TRAPPC12: variants seen among roughly 807,000 people sequenced by gnomAD.
TRAPPC12 encodes the protein TPR repeat protein 15.
Under a neutral mutation model 69.2 loss-of-function variants are expected in TRAPPC12, and 61 were observed. The ratio of observed to expected loss-of-function variants is 0.88; its 90% CI spans 0.72 to 1.09. TRAPPC12 has a LOEUF of 1.09. Among genes scored for constraint, TRAPPC12 ranks in the 50% least tolerant of loss-of-function variants. TRAPPC12 has a pLI of 0.00. For synonymous variants in TRAPPC12, 469 were observed against 438.9 expected, an observed-to-expected ratio of 1.07 and a Z score of -0.86; for missense variants, 1,101 against 1,016.4, an observed-to-expected ratio of 1.08 and a Z score of -1.13.
At chr2:3,457,764 G>A (rs1027540834) in intron 7 of TRAPPC12, 71 bp downstream of exon 7, 29 of 1,578,764 alleles carry the variant, frequency 1.8e-5, no homozygotes, top group South Asian at 2.3e-5. Flanking sequence ...AAAGCCTCTC[G>A]CTTCCTCTCC....
chr2:3,432,649 T>G (rs774408651), intron 5 of TRAPPC12, among the ~76,000 whole-genome samples: 1 of 152,272 alleles, frequency 6.6e-6, no homozygotes, highest in African/African-American at 2.4e-5. Flanking sequence ...ATGTGATCGC[T>G]GCTTTATTTG....
At chr2:3,472,862 G>C (rs1453656389) in intron 9 of TRAPPC12, among the ~76,000 whole-genome samples, 3 of 152,186 alleles carry the variant, frequency 2.0e-5, no homozygotes, top group Non-Finnish European at 4.4e-5. Flanking sequence ...CAGGGACCAG[G>C]GTCAGGGTCA....
chr2:3,477,859 A>C, intron 10 of TRAPPC12, 64 bp downstream of exon 10: 1 of 1,181,074 alleles, frequency 8.5e-7, no homozygotes, highest in Non-Finnish European at 1.2e-6. Flanking sequence ...AGCCCCACTT[A>C]CTGAGTTGGA....
At chr2:3,449,343 G>C (rs1429030210) in intron 6 of TRAPPC12, 1 of 152,442 alleles carries the variant, frequency 6.6e-6, no homozygotes, top group Non-Finnish European at 1.5e-5. Flanking sequence ...GCATCTGCCC[G>C]CCCAGTCTTG....
chr2:3,461,501 T>G (rs1441478131), intron 8 of TRAPPC12, among the ~76,000 whole-genome samples: 5 of 152,202 alleles, frequency 3.3e-5, no homozygotes, highest in East Asian at 1.9e-4. Context: ...AGCCTCAGCC[T>G]CCTCCTTAAA....
At position 3,388,565 on chromosome 2, in the gene TRAPPC12, G is replaced by C; in HGVS notation, c.942G>C (p.Glu314Asp). 6.2e-7 allele frequency: 1 copy of C among 1,612,738 alleles called. No individual in the cohort carries two copies. The highest frequency in any genetic ancestry group is 8.5e-7 in the Non-Finnish European group (1 of 1,179,660). The change falls in exon 2 of 12, where the codon GAG (glutamate) becomes GAC (aspartate). Residue 314 changes from glutamate (E) to aspartate (D), a missense_variant. Physicochemically the swap from Glu to Asp is conservative, Grantham distance 45. Coordinates refer to ENST00000324266, the MANE Select transcript of TRAPPC12 (RefSeq NM_016030.6). ...GGAACGACGCCTGGCTTCCCGGCGAGGCTACGCGTGGAGTCCTGCGGGCCG... is the reference window on the plus strand; with the variant it reads ...GGAACGACGCCTGGCTTCCCGGCGACGCTACGCGTGGAGTCCTGCGGGCCG... ...DRRNDAWLPGEATRGVLRAVA... is the reference protein window; with the variant it reads ...DRRNDAWLPGDATRGVLRAVA...
chr2:3,383,716 G>C (rs1660340630), intron 1 of TRAPPC12, among the ~76,000 whole-genome samples: 1 of 151,796 alleles, frequency 6.6e-6, no homozygotes, highest in Non-Finnish European at 1.5e-5. Flanking sequence ...TCACAGTTAA[G>C]TTTTTAACGT....
intron 2 of TRAPPC12, among the ~76,000 whole-genome samples, chr2:3,390,816 G>A (rs1029023925): frequency 4.6e-5 from 7 of 152,162 alleles, no homozygotes; most frequent in Non-Finnish European, 8.8e-5. Flanking sequence ...TGATCATGGG[G>A]AAGACTGTGT....
At chr2:3,432,988 G>A (rs1329824410) in intron 5 of TRAPPC12, among the ~76,000 whole-genome samples, 1 of 152,202 alleles carries the variant, frequency 6.6e-6, no homozygotes, top group African/African-American at 2.4e-5. Context: ...ATTTAAATAA[G>A]AAATATTTAA....
chr2:3,395,103 G>A (rs929067698), intron 2 of TRAPPC12, among the ~76,000 whole-genome samples: 1 of 152,204 alleles, frequency 6.6e-6, no homozygotes, highest in Non-Finnish European at 1.5e-5. Flanking sequence ...AAATAGAACA[G>A]TTTCCAAAGT....
rs565817055 is a variant in TRAPPC12 at position 3,381,752 on chromosome 2, C to T, written c.-5+1876C>T. ...ATAAGATGGGGACCATTTCCCAGTG[C>T]GTTGAAACTTCCGTGTGTCCCTCCC... On this transcript the variant is annotated intron_variant, in intron 1 of 11. Coordinates refer to ENST00000324266, the MANE Select transcript of TRAPPC12 (RefSeq NM_016030.6). 6.6e-5 allele frequency among the ~76,000 whole-genome samples: 10 copies of T among 152,324 alleles called. No homozygotes were observed. The East Asian group carries it at 7.7e-4, about 12-fold the overall frequency.
intron 6 of TRAPPC12, among the ~76,000 whole-genome samples, chr2:3,452,734 G>T (rs958261123): frequency 3.3e-5 from 5 of 152,204 alleles, no homozygotes; most frequent in African/African-American, 1.2e-4. Flanking sequence ...TTAATAGTCA[G>T]TGCAGCATTA....
intron 1 of TRAPPC12, among the ~76,000 whole-genome samples, 161 bp from the exon 2 acceptor site, chr2:3,387,459 G>C (rs966024290): frequency 6.6e-6 from 1 of 152,218 alleles, no homozygotes; most frequent in African/African-American, 2.4e-5. Context: ...CTGAACTTAA[G>C]GTGGTCAATT....
At position 3,387,656 on chromosome 2, in the gene TRAPPC12, G is replaced by C; in HGVS notation, c.33G>C (p.Pro11=). The change falls in exon 2 of 12, where the codon CCG becomes CCC. Residue 11 remains proline (P), a synonymous_variant. Transcript: ENST00000324266. MEDAGGGEET[P]APEAPHPPQL... The stretch of plus-strand genomic sequence containing the variant: ...ACGCTGGCGGCGGCGAGGAGACCCC[G>C]GCCCCGGAGGCCCCGCACCCCCCTC... The C allele has an allele frequency of 6.5e-7, 1 of 1,547,576 alleles. No individual in the cohort carries two copies. The highest frequency in any genetic ancestry group is 8.7e-7 in the Non-Finnish European group (1 of 1,144,476).
intron 10 of TRAPPC12, 161 bp from the exon 11 acceptor site, chr2:3,478,685 T>C (rs1467628038): frequency 6.6e-6 from 4 of 606,712 alleles, no homozygotes; most frequent in Non-Finnish European, 8.8e-6. Context: ...CGAGCCTGAA[T>C]GCAAAACGCA....
chr2:3,426,398 T>G lies in TRAPPC12; in HGVS notation c.1417+1735T>G, dbSNP rs1237227121. On this transcript the variant is annotated intron_variant, in intron 5 of 11. Transcript: ENST00000324266. ...TGTCATCCAGGGACGTAGACGCCAG[T>G]CCTTAATGTGTGACACTTCCTGCCC... Among the ~76,000 whole-genome samples, 3 of 152,314 alleles carry G rather than the reference T, an allele frequency of 2.0e-5. No individual in the cohort carries two copies. The East Asian group carries it at 5.8e-4, about 29-fold the overall frequency.
intron 9 of TRAPPC12, chr2:3,467,885 G>C (rs947017522): frequency 6.6e-6 from 1 of 152,234 alleles, no homozygotes; most frequent in South Asian, 2.1e-4. Flanking sequence ...GTGTACACGT[G>C]GTGCTGAGCT....
intron 8 of TRAPPC12, among the ~76,000 whole-genome samples, chr2:3,461,532 T>A (rs770485191): frequency 6.6e-6 from 1 of 152,214 alleles, no homozygotes; most frequent in East Asian, 1.9e-4. Context: ...AGATCTGAGA[T>A]CTCTGAAATC....
chr2:3,458,066 GGCC>G, intron 7 of TRAPPC12: 2 of 1,036,418 alleles, frequency 1.9e-6, no homozygotes, highest in South Asian at 7.4e-5. Context: ...CGGGGACAGA[GGCC>G]TCTGCGTCGG....
Sources: gnomAD v4.1 joint callset for allele counts (sites outside exome capture counted in the v4.1 genomes callset) on GRCh38, gnomAD v4.1.1 for gene constraint, MANE v1.5 for transcripts, NCBI Gene and HGNC (gene_info 2026-07-23, HGNC 2026-07-21) for gene names.